Variants in SYN3 observed in about 807,000 individuals in gnomAD.
The protein encoded by SYN3 is synapsin III.
SYN3 carries 35 observed loss-of-function variants against 65.8 expected under a neutral mutation model. The observed-to-expected ratio is 0.53, with a 90% CI of 0.41 to 0.70. The LOEUF (loss-of-function observed/expected upper bound fraction) is 0.70, where lower values mean the gene tolerates loss of function less well. Among genes scored for constraint, SYN3 ranks in the 30% least tolerant of loss-of-function variants. SYN3 has a pLI of 0.00. For synonymous variants in SYN3, 270 were observed against 292.9 expected (o/e 0.92, Z 0.80); for missense variants, 680 against 749.0 (o/e 0.91, Z 1.08).
intron 1 of SYN3, among the ~76,000 whole-genome samples, chr22:33,055,238 G>A (rs2054236072): frequency 6.6e-6 from 1 of 152,162 alleles, no homozygotes; most frequent in Non-Finnish European, 1.5e-5. Flanking sequence ...TCAATGATTC[G>A]TTTGTTGCAC....
At chr22:32,775,945 T>TA (rs2045898020) in intron 6 of SYN3, among the ~76,000 whole-genome samples, 1 of 152,012 alleles carries the variant, frequency 6.6e-6, no homozygotes, top group African/African-American at 2.4e-5. Flanking sequence ...AGAGGTTTGC[T>TA]TATGTGATTA....
At chr22:32,814,346 A>AAAGAAAGGAAGAAAGG (rs2047028992) in intron 6 of SYN3, among the ~76,000 whole-genome samples, 1 of 147,524 alleles carries the variant, frequency 6.8e-6, no homozygotes, top group African/African-American at 2.6e-5. Context: ...AAAGAGAAAG[A>AAAGAAAGGAAGAAAGG]AAGAGAGAAA....
intron 6 of SYN3, among the ~76,000 whole-genome samples, chr22:32,792,518 G>A (rs1316109181): frequency 2.6e-5 from 4 of 152,186 alleles, no homozygotes; most frequent in African/African-American, 7.2e-5. Flanking sequence ...ATATACTGAT[G>A]AGTATGCCAC....
At chr22:32,832,300 A>G (rs1425767654) in intron 6 of SYN3, among the ~76,000 whole-genome samples, 1 of 152,232 alleles carries the variant, frequency 6.6e-6, no homozygotes, top group Admixed American at 6.5e-5. Context: ...AACCCAGGGG[A>G]AATGCATGAG....
At chr22:32,674,974 G>A (rs1390926434) in intron 6 of SYN3, among the ~76,000 whole-genome samples, 1 of 152,198 alleles carries the variant, frequency 6.6e-6, no homozygotes, top group Non-Finnish European at 1.5e-5. Context: ...ACTCAGAGAG[G>A]TAACAGATGT....
chr22:32,595,348 G>A (rs562505585), intron 7 of SYN3, among the ~76,000 whole-genome samples: 1 of 152,286 alleles, frequency 6.6e-6, no homozygotes, highest in South Asian at 2.1e-4. Context: ...TAAAGAGGGA[G>A]ATCAAGCTCT....
chr22:32,774,729 G>T (rs748042642), intron 6 of SYN3, among the ~76,000 whole-genome samples: 32 of 152,234 alleles, frequency 2.1e-4, no homozygotes, highest in Admixed American at 1.2e-3. Context: ...CGAGTAGCTG[G>T]GATTACAGGC....
rs16991151 is a variant in SYN3 at position 32,766,679 on chromosome 22, A to G, written c.711+98236T>C. Among the ~76,000 whole-genome samples, 967 of 152,288 alleles carry G rather than the reference A, an allele frequency of 6.3e-3. 22 individuals are homozygous for G. The East Asian group carries it at 0.09, about 14-fold the overall frequency. On this transcript the variant is annotated intron_variant, in intron 6 of 13. Transcript: ENST00000358763. Reference sequence around the variant, plus strand: ...CTTCTACTTTCATCATGTCACTGAGAACCAAATATCTTGATGTTTTCCCCC... The same window carrying G: ...CTTCTACTTTCATCATGTCACTGAGGACCAAATATCTTGATGTTTTCCCCC...
chr22:32,693,075 CTA>C (rs139611914), intron 6 of SYN3, among the ~76,000 whole-genome samples: 1 of 150,984 alleles, frequency 6.6e-6, no homozygotes, highest in African/African-American at 2.4e-5. Flanking sequence ...GTACTGAACC[CTA>C]TATATATATA....
rs59432094 is a variant in SYN3, at chr22:32,531,148, CAAAAAAAAAA to C, written c.1096-2150_1096-2141del. On this transcript the variant is annotated intron_variant, in intron 10 of 13. Coordinates refer to ENST00000358763, the MANE Select transcript of SYN3 (RefSeq NM_003490.4). Reference sequence around the variant, plus strand: ...CTGGCGACAGAATGAGACCCCGTCTCAAAAAAAAAAAAAAAAAAAAAAAAAAAAAAGAATG... The same window carrying C: ...CTGGCGACAGAATGAGACCCCGTCTCAAAAAAAAAAAAAAAAAAAAGAATG... Among the ~76,000 whole-genome samples the C allele has an allele frequency of 2.3e-4, 6 of 26,148 alleles. 1 individual carries two copies. Among genetic ancestry groups the C allele is most frequent in the African/African-American group, 9.9e-4 (6 of 6,034 alleles). The allele number at this position is 26,148 out of a possible 152,430, so 17.2% of individuals were successfully genotyped here.
At chr22:32,833,738 C>G (rs1488685117) in intron 6 of SYN3, 1 of 493,452 alleles carries the variant, frequency 2.0e-6, no homozygotes, top group Non-Finnish European at 4.1e-6. Flanking sequence ...GGGAGAGTCA[C>G]TTCTTCTTTA....
At chr22:32,728,204 G>A (rs562316712) in intron 6 of SYN3, among the ~76,000 whole-genome samples, 12 of 152,334 alleles carry the variant, frequency 7.9e-5, no homozygotes, top group Middle Eastern at 3.4e-3. Context: ...ATGAAGATGC[G>A]AAAAGCAATT....
In SYN3 at chr22:32,963,073, C is replaced by T. The variant is rs183870609; in HGVS notation, c.369+17572G>A. Among the ~76,000 whole-genome samples the T allele has an allele frequency of 9.0e-3, 1,244 of 138,394 alleles. 13 individuals carry two copies. Among genetic ancestry groups the T allele is most frequent in the Non-Finnish European group, 0.013 (842 of 64,306 alleles). The allele number at this position is 138,394 out of a possible 152,430, so 90.8% of individuals were successfully genotyped here. On this transcript the variant is annotated intron_variant, in intron 3 of 13. Transcript: ENST00000358763. ...ATTATTGTCTCTATTATTGACATTA[C>T]AAAATACTTTTTTTTTTTTTTGAGA...
At chr22:32,771,635 A>G (rs1260561591) in intron 6 of SYN3, among the ~76,000 whole-genome samples, 5 of 152,212 alleles carry the variant, frequency 3.3e-5, no homozygotes, top group Admixed American at 3.3e-4. Flanking sequence ...CTGATGCCCA[A>G]ATACATCTAC....
At chr22:32,881,053 G>C (rs1280047268) in intron 4 of SYN3, among the ~76,000 whole-genome samples, 1 of 152,204 alleles carries the variant, frequency 6.6e-6, no homozygotes, top group Non-Finnish European at 1.5e-5. Flanking sequence ...AGCTGCCTGA[G>C]CTCCAGCGCT....
intron 7 of SYN3, among the ~76,000 whole-genome samples, chr22:32,555,733 A>C (rs535160541): frequency 2.0e-5 from 3 of 152,290 alleles, no homozygotes; most frequent in African/African-American, 7.2e-5. Context: ...GGAGATAATA[A>C]AACCATAACC....
chr22:32,629,725 T>G (rs1318875830), intron 6 of SYN3: 1 of 152,352 alleles, frequency 6.6e-6, no homozygotes, highest in East Asian at 1.9e-4. Flanking sequence ...GCTCCCAGTA[T>G]AAGTCACCTC....
chr22:33,002,840 G>A (rs1053054393), intron 2 of SYN3, among the ~76,000 whole-genome samples: 10 of 152,174 alleles, frequency 6.6e-5, no homozygotes, highest in South Asian at 2.1e-4. Flanking sequence ...CTACTGATAC[G>A]GTTTGACTGT....
At chr22:32,938,256 C>T (rs143912995) in intron 3 of SYN3, among the ~76,000 whole-genome samples, 109 of 152,222 alleles carry the variant, frequency 7.2e-4, no homozygotes, top group African/African-American at 2.5e-3. Flanking sequence ...AGGCTGGGCG[C>T]GGTGGCTCAC....
Sources: allele counts gnomAD v4.1 joint callset (sites outside exome capture counted in the v4.1 genomes callset), GRCh38; gene constraint gnomAD v4.1.1; transcripts MANE v1.5; gene names NCBI Gene and HGNC (gene_info 2026-07-23, HGNC 2026-07-21).